CTTNBP2: variants seen among roughly 807,000 people sequenced by gnomAD.
The protein encoded by CTTNBP2 is cortactin binding protein 2, also known as cortactin-binding protein 2.
A neutral mutation model predicts 156.9 loss-of-function variants in CTTNBP2; 108 were observed. The ratio of observed to expected loss-of-function variants is 0.69; its 90% CI spans 0.59 to 0.81. The LOEUF is 0.81. Among genes scored for constraint, CTTNBP2 ranks in the 30% least tolerant of loss-of-function variants. The pLI, the probability that CTTNBP2 is intolerant of heterozygous loss-of-function variation, is 0.00. For missense variants in CTTNBP2, 1,924 were observed against 2,035.4 expected (o/e 0.95, Z 1.05); for synonymous variants, 767 against 751.8 (o/e 1.02, Z -0.33).
chr7:117,819,482 A>G (rs1478991687), intron 2 of CTTNBP2, among the ~76,000 whole-genome samples: 1 of 151,900 alleles, frequency 6.6e-6, no homozygotes, highest in Non-Finnish European at 1.5e-5. Flanking sequence ...GAGAAGGATA[A>G]TTACTTCCCA....
At chr7:117,799,971 A>G (rs1390934662) in intron 3 of CTTNBP2, among the ~76,000 whole-genome samples, 1 of 152,212 alleles carries the variant, frequency 6.6e-6, no homozygotes, top group East Asian at 1.9e-4. Flanking sequence ...CCACACTGAT[A>G]GAAGCCAAAT....
chr7:117,856,925 A>G (rs1231752310), intron 2 of CTTNBP2, among the ~76,000 whole-genome samples: 1 of 152,206 alleles, frequency 6.6e-6, no homozygotes, highest in Non-Finnish European at 1.5e-5. Flanking sequence ...GCAACAGGAA[A>G]AAAGAAACAA....
intron 14 of CTTNBP2, among the ~76,000 whole-genome samples, chr7:117,744,728 TACAC>T (rs34300258): frequency 6.6e-6 from 1 of 151,160 alleles, no homozygotes; most frequent in African/African-American, 2.4e-5. Flanking sequence ...CTACAAAAAA[TACAC>T]ACACACACAC....
chr7:117,846,299 C>T (rs1290108764), intron 2 of CTTNBP2, among the ~76,000 whole-genome samples: 1 of 151,890 alleles, frequency 6.6e-6, no homozygotes, highest in East Asian at 1.9e-4. Context: ...ACTAGAAACA[C>T]TAAAAATAGT....
At chr7:117,857,647 G>A (rs190581094) in intron 2 of CTTNBP2, among the ~76,000 whole-genome samples, 1 of 151,660 alleles carries the variant, frequency 6.6e-6, no homozygotes, top group East Asian at 1.9e-4. Flanking sequence ...TATATATTAA[G>A]TTCAAAACTA....
intron 3 of CTTNBP2, among the ~76,000 whole-genome samples, chr7:117,809,651 T>C (rs1401684121): frequency 6.6e-6 from 1 of 152,224 alleles, no homozygotes; most frequent in Non-Finnish European, 1.5e-5. Flanking sequence ...CCATGCAACA[T>C]ACTGAGAAAA....
intron 12 of CTTNBP2, among the ~76,000 whole-genome samples, chr7:117,746,860 T>C (rs1396217300): frequency 2.6e-5 from 4 of 152,224 alleles, no homozygotes; most frequent in Admixed American, 6.5e-5. Context: ...CTTATATATA[T>C]TTTTTAAACT....
At chr7:117,814,172 G>C (rs1427532938) in intron 2 of CTTNBP2, among the ~76,000 whole-genome samples, 1 of 151,752 alleles carries the variant, frequency 6.6e-6, no homozygotes, top group Admixed American at 6.6e-5. Context: ...TGTATAATAT[G>C]AGAGGTAAAT....
chr7:117,777,738 C>T lies in CTTNBP2; in HGVS notation c.2551G>A (p.Val851Met), dbSNP rs1382295653. 4 of 1,612,052 alleles carry T rather than the reference C, an allele frequency of 2.5e-6. No individual in the cohort carries two copies. In the Admixed American group the frequency reaches 5.0e-5, roughly 20 times the overall value. ...AGGCTGTCCACATTACCAGTGTCCA[C>T]AGCTGCGTGAACTGGTGTCCAGCCA... ...TDGWTPVHAAVDTGNVDSLKL... is the reference protein window; with the variant it reads ...TDGWTPVHAAMDTGNVDSLKL... The change falls in exon 8 of 23, where the codon GTG becomes ATG. Residue 851 changes from valine (V) to methionine (M), a missense_variant. Transcript: ENST00000160373.
intron 14 of CTTNBP2, among the ~76,000 whole-genome samples, chr7:117,743,492 T>A (rs1796128187): frequency 2.0e-5 from 3 of 151,966 alleles, no homozygotes; most frequent in Middle Eastern, 3.2e-3. Context: ...ATTTCAAGTG[T>A]TTTCATGTTT....
intron 16 of CTTNBP2, among the ~76,000 whole-genome samples, chr7:117,729,153 C>T (rs1182056972): frequency 1.3e-5 from 2 of 152,234 alleles, no homozygotes; most frequent in African/African-American, 2.4e-5. Flanking sequence ...TAAACTGCTT[C>T]TAAAGCTCAG....
At chr7:117,803,593 A>C (rs1483762299) in intron 3 of CTTNBP2, among the ~76,000 whole-genome samples, 1 of 152,136 alleles carries the variant, frequency 6.6e-6, no homozygotes, top group Non-Finnish European at 1.5e-5. Flanking sequence ...GAAAAGAAAG[A>C]CCAAGGAAGA....
intron 12 of CTTNBP2, among the ~76,000 whole-genome samples, chr7:117,747,394 A>C (rs541426615): frequency 3.9e-5 from 6 of 152,346 alleles, no homozygotes; most frequent in African/African-American, 1.4e-4. Flanking sequence ...AAGGAGGCAG[A>C]TTGTGGGATA....
chr7:117,806,759 T>G (rs145840697), intron 3 of CTTNBP2, among the ~76,000 whole-genome samples: 2,215 of 147,702 alleles, frequency 0.015, 77 homozygotes, highest in African/African-American at 0.052. Context: ...TTTTTTTTTT[T>G]TTTTTTTTTT....
At chr7:117,864,294 AT>A (rs1037279064) in intron 1 of CTTNBP2, among the ~76,000 whole-genome samples, 9 of 152,134 alleles carry the variant, frequency 5.9e-5, no homozygotes, top group African/African-American at 1.9e-4. Flanking sequence ...ATCACAACAT[AT>A]GAAGTGATGT....
Position 117,792,843 on chromosome 7 carries a change from T to C in CTTNBP2, c.415-62A>G. ...CAGAATTTTCTTTTCACCAAGGAAA[T>C]GCTTTTTGTGAGATTTTTATTAATT... On this transcript the variant is annotated intron_variant, in intron 3 of 22. Transcript: ENST00000160373. The surrounding 1 kb of genome is among the most constrained non-coding windows in gnomAD (Gnocchi z 4.2). 8.5e-7 allele frequency: 1 copy of C among 1,178,966 alleles called. No individual in the cohort carries two copies. The highest frequency in any genetic ancestry group is 2.4e-5 in the South Asian group (1 of 42,018). The allele number at this position is 1,178,966 out of a possible 1,614,324, so 73.0% of individuals were successfully genotyped here.
At chr7:117,841,270 T>C (rs892999139) in intron 2 of CTTNBP2, among the ~76,000 whole-genome samples, 1 of 152,222 alleles carries the variant, frequency 6.6e-6, no homozygotes, top group Non-Finnish European at 1.5e-5. Context: ...AAAGCTCCAA[T>C]GTATACATAT....
intron 7 of CTTNBP2, 95 bp downstream of exon 7, chr7:117,780,346 C>G: frequency 1.2e-6 from 1 of 818,408 alleles, no homozygotes; most frequent in Non-Finnish European, 1.8e-6. Context: ...AATAAAGCAA[C>G]CTCTATTTTA....
intron 16 of CTTNBP2, among the ~76,000 whole-genome samples, chr7:117,728,565 A>C (rs536714520): frequency 1.2e-4 from 18 of 152,340 alleles, no homozygotes; most frequent in African/African-American, 4.1e-4. Flanking sequence ...CCAAGGTCCC[A>C]CAGGTAATAG....
Sources: allele counts gnomAD v4.1 joint callset (sites outside exome capture counted in the v4.1 genomes callset), GRCh38; gene constraint gnomAD v4.1.1; non-coding constraint Gnocchi (gnomAD v3.1); transcripts MANE v1.5; gene names NCBI Gene and HGNC (gene_info 2026-07-23, HGNC 2026-07-21).